PRMT3: variants seen among roughly 807,000 people sequenced by gnomAD.
PRMT3 encodes the protein protein arginine N-methyltransferase 3.
A neutral mutation model predicts 71.9 loss-of-function variants in PRMT3; 62 were observed. The observed-to-expected ratio is 0.86, with a 90% CI of 0.70 to 1.07. The LOEUF (loss-of-function observed/expected upper bound fraction) is 1.07. Among genes scored for constraint, PRMT3 ranks in the 50% least tolerant of loss-of-function variants. The probability of loss-of-function intolerance (pLI) is 0.00; values close to 1 mark genes in which losing one functional copy is unlikely to be tolerated. For missense variants in PRMT3, 663 were observed against 643.0 expected, an observed-to-expected ratio of 1.03 and a Z score of -0.34; for synonymous variants, 213 against 220.4, an observed-to-expected ratio of 0.97 and a Z score of 0.30.
intron 12 of PRMT3, 35 bp downstream of exon 12, chr11:20,462,202 T>C (rs3758803): frequency 0.51 from 758,978 of 1,476,056 alleles, 203,333 homozygotes; most frequent in Non-Finnish European, 0.56. Context: ...TTTATAATGG[T>C]ATTGCTATTT....
intron 15 of PRMT3, among the ~76,000 whole-genome samples, chr11:20,502,487 A>C (rs1392312749): frequency 1.3e-5 from 2 of 152,218 alleles, no homozygotes; most frequent in Non-Finnish European, 2.9e-5. Context: ...TATATATGAC[A>C]TTATGTTAAT....
chr11:20,462,934 C>T (rs1590082633), intron 12 of PRMT3, among the ~76,000 whole-genome samples: 3 of 151,994 alleles, frequency 2.0e-5, no homozygotes, highest in South Asian at 2.1e-4. Context: ...GGCGCAATCT[C>T]GGCTCACTGC....
At chr11:20,460,029 G>C (rs928807580) in intron 11 of PRMT3, among the ~76,000 whole-genome samples, 1 of 152,164 alleles carries the variant, frequency 6.6e-6, no homozygotes, top group East Asian at 1.9e-4. Flanking sequence ...CAGTGACTTA[G>C]TACTACGTAG....
At chr11:20,444,890 T>C (rs1849989046) in intron 10 of PRMT3, among the ~76,000 whole-genome samples, 1 of 152,124 alleles carries the variant, frequency 6.6e-6, no homozygotes, top group African/African-American at 2.4e-5. Context: ...TGTCAGGTTT[T>C]GCTTCAGGTA....
chr11:20,411,229 T>C (rs928143517), intron 9 of PRMT3, among the ~76,000 whole-genome samples: 1 of 152,084 alleles, frequency 6.6e-6, no homozygotes, highest in East Asian at 1.9e-4. Flanking sequence ...ATGTGACTTA[T>C]TTGGATAAGG....
intron 11 of PRMT3, among the ~76,000 whole-genome samples, chr11:20,458,331 CAA>C (rs1590078987): frequency 6.6e-6 from 1 of 151,954 alleles, no homozygotes; most frequent in East Asian, 1.9e-4. Context: ...CTTTAGTGTC[CAA>C]AAGTTTATGA....
intron 10 of PRMT3, among the ~76,000 whole-genome samples, chr11:20,446,201 G>A (rs1189802216): frequency 1.3e-5 from 2 of 152,012 alleles, no homozygotes; most frequent in African/African-American, 2.4e-5. Flanking sequence ...TACCTCCATA[G>A]ACTTCTCAAC....
At chr11:20,412,189 G>T (rs938320285) in intron 9 of PRMT3, among the ~76,000 whole-genome samples, 5 of 152,026 alleles carry the variant, frequency 3.3e-5, no homozygotes, top group Non-Finnish European at 5.9e-5. Context: ...TTATTATCAA[G>T]ATCCAGTGAT....
chr11:20,502,183 T>C (rs1383421263), intron 15 of PRMT3, among the ~76,000 whole-genome samples: 1 of 152,186 alleles, frequency 6.6e-6, no homozygotes, highest in African/African-American at 2.4e-5. Context: ...TCCTTCCAGC[T>C]CTCACCACAG....
chr11:20,471,091 A>G (rs948701957), intron 13 of PRMT3, among the ~76,000 whole-genome samples: 5 of 150,190 alleles, frequency 3.3e-5, no homozygotes, highest in Non-Finnish European at 7.4e-5. Context: ...GTAAATTTGC[A>G]TTAGTTCTCG....
At chr11:20,507,587 CT>C (rs1490710843) in intron 15 of PRMT3, among the ~76,000 whole-genome samples, 1 of 151,914 alleles carries the variant, frequency 6.6e-6, no homozygotes, top group Non-Finnish European at 1.5e-5. Context: ...CTAGACCAGC[CT>C]GGCCAAAATG....
At chr11:20,494,377 C>A in intron 15 of PRMT3, 123 bp downstream of exon 15, 2 of 844,944 alleles carry the variant, frequency 2.4e-6, no homozygotes, top group East Asian at 2.6e-5. Flanking sequence ...CTCGCTGTCT[C>A]ACCCAGGCTG....
At chr11:20,394,359 T>C (rs7943413) in intron 5 of PRMT3, among the ~76,000 whole-genome samples, 4,528 of 152,284 alleles carry the variant, frequency 0.03, 223 homozygotes, top group African/African-American at 0.1. Flanking sequence ...AATAAGACTT[T>C]AGTGTATAGA....
chr11:20,399,484 TGAAAA>T (rs1219738215), intron 7 of PRMT3, among the ~76,000 whole-genome samples: 1 of 152,200 alleles, frequency 6.6e-6, no homozygotes. Flanking sequence ...GTGAATTTGT[TGAAAA>T]GAAATTGACT....
At chr11:20,391,264 A>T (rs1478773495) in intron 3 of PRMT3, among the ~76,000 whole-genome samples, 1 of 151,490 alleles carries the variant, frequency 6.6e-6, no homozygotes. Flanking sequence ...TTTTTTTTTG[A>T]GACGGAGTCT....
At chr11:20,467,134 A>G (rs773661598) in intron 13 of PRMT3, among the ~76,000 whole-genome samples, 2 of 152,182 alleles carry the variant, frequency 1.3e-5, no homozygotes, top group Non-Finnish European at 2.9e-5. Context: ...GTTACAAACC[A>G]TTTATTGGAT....
intron 11 of PRMT3, among the ~76,000 whole-genome samples, chr11:20,454,031 C>A (rs1304073828): frequency 6.6e-6 from 1 of 152,162 alleles, no homozygotes; most frequent in Non-Finnish European, 1.5e-5. Flanking sequence ...TGTTGACCAT[C>A]TACTGGCTGC....
At chr11:20,465,133 G>T (rs1278562792) in intron 13 of PRMT3, among the ~76,000 whole-genome samples, 1 of 151,974 alleles carries the variant, frequency 6.6e-6, no homozygotes, top group Non-Finnish European at 1.5e-5. Context: ...GAAAAATGGG[G>T]ATAATTCTGT....
chr11:20,504,737 AG>A (rs1851546456), intron 15 of PRMT3, among the ~76,000 whole-genome samples: 2 of 150,906 alleles, frequency 1.3e-5, no homozygotes, highest in Non-Finnish European at 2.9e-5. Context: ...AGAGAGAGAG[AG>A]AGAGAGAGCG....
Sources: gnomAD v4.1 joint callset for allele counts (sites outside exome capture counted in the v4.1 genomes callset) on GRCh38, gnomAD v4.1.1 for gene constraint, MANE v1.5 for transcripts, NCBI Gene and HGNC (gene_info 2026-07-23, HGNC 2026-07-21) for gene names.